Variants in PARD6B observed in about 807,000 individuals in gnomAD.
The protein encoded by PARD6B is partitioning defective 6 homolog beta.
A neutral mutation model predicts 10.5 loss-of-function variants in PARD6B; 4 were observed. The observed-to-expected ratio is 0.38, with a 90% CI of 0.19 to 0.87. The LOEUF (loss-of-function observed/expected upper bound fraction) is 0.87, where lower values mean the gene tolerates loss of function less well. Among genes scored for constraint, PARD6B ranks in the 40% least tolerant of loss-of-function variants. PARD6B has a pLI of 0.41. For synonymous variants in PARD6B, 169 were observed against 170.4 expected (o/e 0.99, Z 0.07); for missense variants, 396 against 470.6 (o/e 0.84, Z 1.47).
intron 2 of PARD6B, among the ~76,000 whole-genome samples, chr20:50,744,490 A>G (rs2087553882): frequency 6.6e-6 from 1 of 152,144 alleles, no homozygotes; most frequent in African/African-American, 2.4e-5. Flanking sequence ...TAGAAAAACC[A>G]AATGAGTTCA....
chr20:50,742,323 T>TG (rs1305557441), intron 2 of PARD6B, among the ~76,000 whole-genome samples: 5 of 152,096 alleles, frequency 3.3e-5, no homozygotes, highest in Non-Finnish European at 5.9e-5. Context: ...GGTTTACAGG[T>TG]GGGAGCCGCC....
At chr20:50,739,891 A>ACTC (rs2087521367) in intron 2 of PARD6B, among the ~76,000 whole-genome samples, 8 of 116,830 alleles carry the variant, frequency 6.8e-5, no homozygotes, top group Admixed American at 2.0e-4. Context: ...GGGAGAAGGC[A>ACTC]GTGGCGGGAA....
At position 50,750,557 on chromosome 20, in the gene PARD6B, A is replaced by G. The variant is rs1420898362; in HGVS notation, c.*69A>G. 2.6e-6 allele frequency: 4 copies of G among 1,528,200 alleles called. No individual in the cohort carries two copies. The highest frequency in any genetic ancestry group is 2.3e-5 in the East Asian group (1 of 42,884). The allele number at this position is 1,528,200 out of a possible 1,614,324, so 94.7% of individuals were successfully genotyped here. Reference sequence around the variant, plus strand: ...TTGTACATTTGGCTAGTTTAAAAGCATATATACCTCTGACCAGTGACGTGG... The same window carrying G: ...TTGTACATTTGGCTAGTTTAAAAGCGTATATACCTCTGACCAGTGACGTGG... On this transcript the variant is annotated 3_prime_UTR_variant, in exon 3 of 3. Transcript: ENST00000371610.
At chr20:50,741,624 C>T (rs915084982) in intron 2 of PARD6B, among the ~76,000 whole-genome samples, 3 of 151,962 alleles carry the variant, frequency 2.0e-5, no homozygotes, top group Non-Finnish European at 4.4e-5. Context: ...GGCGCGATCT[C>T]GGCTCACTGC....
At position 50,737,958 on chromosome 20, in the gene PARD6B, T is replaced by A. The variant is rs747051822; in HGVS notation, c.168T>A (p.Val56=). Residue 56 remains valine, a synonymous_variant, in exon 2 of 3, where the codon GTT becomes GTA. Transcript: ENST00000371610. ...AACATGTTCATAAGATCCCCAATGT[T>A]GACGTTTTGGTAGGCTATGCAGACA... ...LLQHVHKIPN[V]DVLVGYADIH... The A allele has an allele frequency of 1.2e-6, 2 of 1,613,738 alleles. No homozygotes were observed. The highest frequency in any genetic ancestry group is 1.7e-6 in the Non-Finnish European group (2 of 1,179,816).
At position 50,752,489 on chromosome 20, in the gene PARD6B, C is replaced by G. The variant is rs2123710921; in HGVS notation, c.*2001C>G. 1.0e-6 allele frequency: 1 copy of G among 985,550 alleles called. No individual in the cohort carries two copies. The highest frequency in any genetic ancestry group is 1.2e-6 in the Non-Finnish European group (1 of 829,868). 61.1% of individuals were successfully genotyped at this position (985,550 alleles called of 1,614,324 possible). On this transcript the variant is annotated 3_prime_UTR_variant, in exon 3 of 3. Transcript: ENST00000371610. ...TTCCAATGCATCCACTTAGAACAAG[C>G]TAAGAGTAAGGCTGCTAACTTTAAT... is the stretch of plus-strand genomic sequence containing the variant.
intron 2 of PARD6B, among the ~76,000 whole-genome samples, chr20:50,749,173 C>T (rs906317469): frequency 4.6e-5 from 7 of 152,092 alleles, no homozygotes; most frequent in African/African-American, 1.7e-4. Flanking sequence ...GAAACCCCAT[C>T]TGTACTAAAA....
chr20:50,748,380 T>G (rs554765247), intron 2 of PARD6B, among the ~76,000 whole-genome samples: 1 of 152,346 alleles, frequency 6.6e-6, no homozygotes, highest in South Asian at 2.1e-4. Context: ...AGAGTGTTTA[T>G]TTGCAGAATA....
At chr20:50,749,612 A>C in intron 2 of PARD6B, 47 bp from the exon 3 acceptor site, 1 of 1,455,904 alleles carries the variant, frequency 6.9e-7, no homozygotes, top group Non-Finnish European at 9.2e-7. Context: ...AAGTGAATAG[A>C]TATTTTTACA....
chr20:50,753,498 T>A lies in PARD6B; in HGVS notation c.*3010T>A, dbSNP rs2087626581. 2.1e-6 allele frequency: 2 copies of A among 967,004 alleles called. No individual in the cohort carries two copies. The highest frequency in any genetic ancestry group is 2.5e-6 in the Non-Finnish European group (2 of 812,860). The allele number at this position is 967,004 out of a possible 1,614,324, so 59.9% of individuals were successfully genotyped here. On this transcript the variant is annotated 3_prime_UTR_variant, in exon 3 of 3. Coordinates refer to ENST00000371610, the MANE Select transcript of PARD6B (RefSeq NM_032521.3). The stretch of plus-strand genomic sequence containing the variant: ...TATCTTAAGTAAATTTATGATAATG[T>A]TCTCGAGCTATCAACAAAATATATG...
Position 50,753,075 on chromosome 20 carries a change from C to CT in PARD6B, c.*2598dup, listed in dbSNP as rs781547758. On this transcript the variant is annotated 3_prime_UTR_variant, in exon 3 of 3. Transcript: ENST00000371610. ...AAATATTTTTACACACTACCTCTCT[C>CT]TTTTTTTTTTTAAAGTTTTAACATC... The CT allele has an allele frequency of 6.1e-4, 453 of 743,468 alleles. No homozygotes were observed. Among genetic ancestry groups the CT allele is most frequent in the Non-Finnish European group, 6.7e-4 (415 of 622,526 alleles). 46.1% of individuals were successfully genotyped at this position (743,468 alleles called of 1,614,324 possible).
Position 50,751,815 on chromosome 20 carries a change from C to A in PARD6B, c.*1327C>A. The A allele has an allele frequency of 1.1e-6, 1 of 926,090 alleles. No individual in the cohort carries two copies. Among genetic ancestry groups the A allele is most frequent in the Non-Finnish European group, 1.3e-6 (1 of 777,168 alleles). 57.4% of individuals were successfully genotyped at this position (926,090 alleles called of 1,614,324 possible). On this transcript the variant is annotated 3_prime_UTR_variant, in exon 3 of 3. Coordinates refer to ENST00000371610, the MANE Select transcript of PARD6B (RefSeq NM_032521.3). ...CTCCCGGGTTCAAGCAATTCTCCTG[C>A]CTCAGCCTTCTGAGTAGCTAAGATT...
intron 2 of PARD6B, among the ~76,000 whole-genome samples, chr20:50,742,235 G>C (rs1043832528): frequency 1.3e-5 from 2 of 152,032 alleles, no homozygotes; most frequent in Non-Finnish European, 2.9e-5. Flanking sequence ...GTAGAGACAG[G>C]GTTTTGCCAT....
chr20:50,746,389 T>C (rs1344004972), intron 2 of PARD6B, among the ~76,000 whole-genome samples: 1 of 152,222 alleles, frequency 6.6e-6, no homozygotes, highest in Non-Finnish European at 1.5e-5. Flanking sequence ...AGAAAAGGCT[T>C]GGGATAAATG....
Position 50,751,933 on chromosome 20 carries a change from A to T in PARD6B, c.*1445A>T, listed in dbSNP as rs1249649540. On this transcript the variant is annotated 3_prime_UTR_variant, in exon 3 of 3. Coordinates refer to ENST00000371610, the MANE Select transcript of PARD6B (RefSeq NM_032521.3). The stretch of plus-strand genomic sequence containing the variant: ...TGGTCAGGTGGGTCTCAAACTCCTG[A>T]CCTCAAGTGATCCGCCCATCTCCTC... 1 of 953,818 alleles carries T rather than the reference A, an allele frequency of 1.0e-6. No individual in the cohort carries two copies. Among genetic ancestry groups the T allele is most frequent in the East Asian group, 1.2e-4 (1 of 8,552 alleles). The allele number at this position is 953,818 out of a possible 1,614,324, so 59.1% of individuals were successfully genotyped here. A position where few individuals can be genotyped will look rare whatever the true frequency, so the allele number is the denominator to read the frequency against.
rs192202037 is a variant in PARD6B at position 50,753,181 on chromosome 20, G to A, written c.*2693G>A. The stretch of plus-strand genomic sequence containing the variant: ...TGTAAAATACAGATTTATCTTGTAC[G>A]CATTCATGGAAATGGAAATCAAAGC... On this transcript the variant is annotated 3_prime_UTR_variant, in exon 3 of 3. Transcript: ENST00000371610. 4.3e-4 allele frequency: 424 copies of A among 984,522 alleles called. 1 individual carries two copies. In the African/African-American group the frequency reaches 6.0e-3, roughly 14 times the overall value. The allele number at this position is 984,522 out of a possible 1,614,324, so 61.0% of individuals were successfully genotyped here.
chr20:50,732,084 A>G (rs1286860462), intron 1 of PARD6B, among the ~76,000 whole-genome samples: 2 of 152,250 alleles, frequency 1.3e-5, no homozygotes, highest in East Asian at 1.9e-4. Flanking sequence ...TCCAGCATTT[A>G]ATCTCATTCC....
chr20:50,734,585 C>T (rs756043033), intron 1 of PARD6B, among the ~76,000 whole-genome samples: 2 of 152,084 alleles, frequency 1.3e-5, no homozygotes, highest in Non-Finnish European at 2.9e-5. Flanking sequence ...ATCTTGAACA[C>T]CTGAGCTCTA....
intron 2 of PARD6B, among the ~76,000 whole-genome samples, chr20:50,747,345 C>T (rs992823819): frequency 2.0e-5 from 3 of 152,020 alleles, no homozygotes; most frequent in African/African-American, 7.2e-5. Context: ...TGAGTTGAAG[C>T]GCTATACAAA....
Sources: gnomAD v4.1 joint callset for allele counts (sites outside exome capture counted in the v4.1 genomes callset) on GRCh38, gnomAD v4.1.1 for gene constraint, MANE v1.5 for transcripts, NCBI Gene and HGNC (gene_info 2026-07-23, HGNC 2026-07-21) for gene names.